Variants in CEMIP observed in about 807,000 individuals in gnomAD.
CEMIP encodes the protein cell migration inducing hyaluronidase 1.
CEMIP carries 105 observed loss-of-function variants against 156.9 expected under a neutral mutation model. That is an observed-to-expected ratio of 0.67 (90% confidence interval 0.57 to 0.79). The LOEUF is 0.79. CEMIP is among the 30% of genes least tolerant of loss of function. The probability of loss-of-function intolerance (pLI) is 0.00; values close to 1 mark genes in which losing one functional copy is unlikely to be tolerated. For missense variants in CEMIP, 1,457 were observed against 1,769.4 expected (o/e 0.82, Z 3.17); for synonymous variants, 676 against 668.4 (o/e 1.01, Z -0.17).
At chr15:80,883,310 T>C (rs574055565) in intron 6 of CEMIP, among the ~76,000 whole-genome samples, 8 of 152,326 alleles carry the variant, frequency 5.3e-5, no homozygotes, top group Non-Finnish European at 7.3e-5. Flanking sequence ...GTGTGATTTG[T>C]ATTTCATGGA....
At chr15:80,780,191 G>A (rs986356833) in intron 1 of CEMIP, among the ~76,000 whole-genome samples, 23 of 152,352 alleles carry the variant, frequency 1.5e-4, no homozygotes, top group African/African-American at 4.3e-4. Flanking sequence ...GCGCGGGGCC[G>A]AGCTGAGGCA....
chr15:80,919,212 A>C (rs1326620080), intron 14 of CEMIP, among the ~76,000 whole-genome samples: 1 of 152,164 alleles, frequency 6.6e-6, no homozygotes, highest in Non-Finnish European at 1.5e-5. Context: ...TGGATTTCTG[A>C]ATGAGGGTAC....
intron 1 of CEMIP, among the ~76,000 whole-genome samples, chr15:80,859,587 C>G (rs1266897228): frequency 6.6e-6 from 1 of 152,230 alleles, no homozygotes; most frequent in Non-Finnish European, 1.5e-5. Flanking sequence ...AGTCCACATG[C>G]CGGAAGGCAA....
chr15:80,793,188 C>T (rs1896126494), intron 1 of CEMIP, among the ~76,000 whole-genome samples: 1 of 152,150 alleles, frequency 6.6e-6, no homozygotes, highest in Non-Finnish European at 1.5e-5. Flanking sequence ...ATTTGAAGGG[C>T]ACAAACTCCT....
At chr15:80,848,978 TTTTTTTTTTTTTTTTTTTTTTTTTTTTG>T (rs1897640238) in intron 1 of CEMIP, among the ~76,000 whole-genome samples, 1 of 55,672 alleles carries the variant, frequency 1.8e-5, no homozygotes, top group Admixed American at 1.9e-4. Context: ...TTTTTTTTTT[TTTTTTTTTTTTTTTTTTTTTTTTTTTTG>T]AGAGAGATAG....
At chr15:80,896,361 C>T (rs779370101) in intron 12 of CEMIP, 3 of 544,030 alleles carry the variant, frequency 5.5e-6, no homozygotes, top group South Asian at 4.6e-5. Flanking sequence ...ATTGCAAACT[C>T]CTAGTGGTGA....
chr15:80,863,685 A>G (rs1212885556), intron 1 of CEMIP, among the ~76,000 whole-genome samples: 2 of 152,202 alleles, frequency 1.3e-5, no homozygotes, highest in African/African-American at 2.4e-5. Flanking sequence ...GAGAAAAAAC[A>G]TTGAAATCAA....
Position 80,881,000 on chromosome 15 carries a change from T to C in CEMIP, c.481T>C (p.Trp161Arg). ...GTTGCATGGACAGAAAAAGCTCTCCTGGACATTTCTGAACAAGACCCTTCA... is the reference window on the plus strand; with the variant it reads ...GTTGCATGGACAGAAAAAGCTCTCCCGGACATTTCTGAACAAGACCCTTCA... ...LELHGQKKLS[W>R]TFLNKTLHPG... The change falls in exon 6 of 30, where the codon TGG becomes CGG. Residue 161 changes from tryptophan (W) to arginine (R), a missense_variant. Transcript: ENST00000394685. 1.2e-6 allele frequency: 2 copies of C among 1,614,230 alleles called. No individual in the cohort carries two copies. The highest frequency in any genetic ancestry group is 1.3e-5 in the African/African-American group (1 of 75,058).
intron 1 of CEMIP, among the ~76,000 whole-genome samples, chr15:80,847,888 C>T (rs1000842367): frequency 5.3e-5 from 8 of 152,170 alleles, no homozygotes; most frequent in South Asian, 4.1e-4. Context: ...AACAGTGAGC[C>T]GTGGAGATGC....
At chr15:80,901,559 G>A (rs1282393238) in intron 12 of CEMIP, among the ~76,000 whole-genome samples, 9 of 151,952 alleles carry the variant, frequency 5.9e-5, no homozygotes, top group Non-Finnish European at 8.8e-5. Flanking sequence ...AAAATTAACC[G>A]GGTGTGGTGG....
Position 80,948,855 on chromosome 15 carries a change from C to T in CEMIP, c.4017C>T (p.Asp1339=). The T allele has an allele frequency of 6.2e-7, 1 of 1,614,212 alleles. No individual in the cohort carries two copies. The change falls in exon 30 of 30, where the codon GAC becomes GAT. Residue 1339 remains aspartate, a synonymous_variant. Coordinates refer to ENST00000394685, the MANE Select transcript of CEMIP (RefSeq NM_001293298.2). ...TCCGGCCCATCTGGGTGACACTGGA[C>T]ACTGAGGATCACAAAGCCAAAATCT... The part of the protein sequence containing the change: ...GSFRPIWVTL[D]TEDHKAKIFQ...
At chr15:80,847,115 T>A (rs1336322387) in intron 1 of CEMIP, among the ~76,000 whole-genome samples, 2 of 152,194 alleles carry the variant, frequency 1.3e-5, no homozygotes, top group African/African-American at 4.8e-5. Flanking sequence ...CAATCTTGGC[T>A]TCTCTATAGG....
At chr15:80,853,628 C>T (rs1468451619) in intron 1 of CEMIP, among the ~76,000 whole-genome samples, 1 of 152,152 alleles carries the variant, frequency 6.6e-6, no homozygotes, top group Non-Finnish European at 1.5e-5. Context: ...GGTAGGACTA[C>T]TTGAGAGAGA....
intron 29 of CEMIP, chr15:80,947,442 A>G (rs1901606658): frequency 3.8e-6 from 1 of 265,040 alleles, no homozygotes; most frequent in South Asian, 4.7e-5. Flanking sequence ...ATCTTCTTCA[A>G]CATTCTAGCT....
At chr15:80,790,182 TTC>T (rs1343546843) in intron 1 of CEMIP, among the ~76,000 whole-genome samples, 2 of 152,184 alleles carry the variant, frequency 1.3e-5, no homozygotes, top group Non-Finnish European at 2.9e-5. Flanking sequence ...ACTTTTCATG[TTC>T]TGTTTTACTC....
chr15:80,909,442 T>C (rs1475473880), intron 14 of CEMIP, 136 bp downstream of exon 14: 3 of 887,740 alleles, frequency 3.4e-6, no homozygotes, highest in Admixed American at 4.0e-5. Flanking sequence ...CAGAAAGATA[T>C]CAACTGGGAG....
At chr15:80,887,283 G>C (rs34084353) in intron 7 of CEMIP, among the ~76,000 whole-genome samples, 17,686 of 152,174 alleles carry the variant, frequency 0.12, 1,129 homozygotes, top group Non-Finnish European at 0.14. Flanking sequence ...AACTCTAGGG[G>C]AGCTGAGCAT....
intron 1 of CEMIP, among the ~76,000 whole-genome samples, chr15:80,809,767 TTTG>T (rs1384348677): frequency 6.6e-6 from 1 of 152,230 alleles, no homozygotes; most frequent in African/African-American, 2.4e-5. Context: ...CATTTCCATG[TTTG>T]TTGTTAGCTG....
chr15:80,814,397 T>A (rs1896744117), intron 1 of CEMIP, among the ~76,000 whole-genome samples: 2 of 152,224 alleles, frequency 1.3e-5, no homozygotes, highest in South Asian at 4.1e-4. Context: ...GGCCACCATC[T>A]CCAGCTCAGC....
Sources: allele counts gnomAD v4.1 joint callset (sites outside exome capture counted in the v4.1 genomes callset), GRCh38; gene constraint gnomAD v4.1.1; transcripts MANE v1.5; gene names NCBI Gene and HGNC (gene_info 2026-07-23, HGNC 2026-07-21).